Variants in RYR2 observed in about 807,000 individuals in gnomAD.
The protein encoded by RYR2 is cardiac muscle ryanodine receptor-calcium release channel.
Under a neutral mutation model 601.1 loss-of-function variants are expected in RYR2, and 227 were observed. The observed-to-expected ratio is 0.38, with a 90% CI of 0.34 to 0.42. The LOEUF is 0.42. Ranked by LOEUF, RYR2 falls within the 10% of genes least tolerant of loss-of-function variation. The pLI is 1.00. For synonymous variants in RYR2, 2,223 were observed against 2,175.1 expected, an observed-to-expected ratio of 1.02 and a Z score of -0.61; for missense variants, 4,646 against 6,156.5, an observed-to-expected ratio of 0.75 and a Z score of 8.21.
At chr1:237,340,232 C>A (rs1697645376) in intron 3 of RYR2, among the ~76,000 whole-genome samples, 1 of 152,124 alleles carries the variant, frequency 6.6e-6, no homozygotes, top group Non-Finnish European at 1.5e-5. Flanking sequence ...GTCTCCATGA[C>A]CAAGAAATAG....
At chr1:237,430,233 G>C (rs1706665884) in intron 12 of RYR2, among the ~76,000 whole-genome samples, 1 of 150,446 alleles carries the variant, frequency 6.6e-6, no homozygotes, top group African/African-American at 2.4e-5. Flanking sequence ...TGTTGAATAT[G>C]TTATATACAT....
intron 1 of RYR2, among the ~76,000 whole-genome samples, chr1:237,099,468 G>A (rs1036874235): frequency 6.6e-6 from 1 of 152,016 alleles, no homozygotes; most frequent in African/African-American, 2.4e-5. Flanking sequence ...GAACTCCTGG[G>A]CCCAAGCGAT....
intron 1 of RYR2, among the ~76,000 whole-genome samples, chr1:237,155,393 G>T (rs1007389139): frequency 1.3e-5 from 2 of 151,852 alleles, no homozygotes; most frequent in Non-Finnish European, 2.9e-5. Flanking sequence ...AGCCAGGATG[G>T]TCTTGATCTC....
Position 237,806,175 on chromosome 1 carries a change from T to C in RYR2, c.14190T>C (p.Val4730=). Residue 4730 remains valine, a synonymous_variant, in exon 99 of 105, where the codon GTT becomes GTC. Transcript: ENST00000366574. The stretch of plus-strand genomic sequence containing the variant: ...TAGCCTGGTATATGACTATGTCTGT[T>C]CTTGGACACTATAACAACTTTTTTT... ...LYLAWYMTMS[V]LGHYNNFFFA... 1 of 1,613,754 alleles carries C rather than the reference T, an allele frequency of 6.2e-7. No homozygotes were observed. The highest frequency in any genetic ancestry group is 1.7e-5 in the Admixed American group (1 of 60,026).
intron 101 of RYR2, among the ~76,000 whole-genome samples, chr1:237,821,829 A>G (rs1264321125): frequency 6.6e-6 from 1 of 151,970 alleles, no homozygotes; most frequent in Admixed American, 6.6e-5. Context: ...AGGAGAACAT[A>G]AATGACCTGA....
Position 237,819,449 on chromosome 1 carries a change from T to G in RYR2, c.14590+257T>G, listed in dbSNP as rs1210439142. On this transcript the variant is annotated intron_variant, in intron 101 of 104. Coordinates refer to ENST00000366574, the MANE Select transcript of RYR2 (RefSeq NM_001035.3). This position sits in a 1 kb window ranked among gnomAD's most constrained non-coding sequence, Gnocchi z 4.0. ...AATGGAAAAGGCACTTTCCTTGGTTTGATTCTCACCTCTGGGTTTCAGACT... is the reference window on the plus strand; with the variant it reads ...AATGGAAAAGGCACTTTCCTTGGTTGGATTCTCACCTCTGGGTTTCAGACT... 1.3e-5 allele frequency among the ~76,000 whole-genome samples: 2 copies of G among 152,210 alleles called. No individual in the cohort carries two copies. The highest frequency in any genetic ancestry group is 3.9e-4 in the East Asian group (2 of 5,190).
intron 74 of RYR2, among the ~76,000 whole-genome samples, chr1:237,725,793 T>C (rs1054104841): frequency 1.8e-4 from 28 of 152,054 alleles, no homozygotes; most frequent in Non-Finnish European, 3.1e-4. Context: ...ACCCTTTTTG[T>C]TGGATTTTTA....
intron 98 of RYR2, among the ~76,000 whole-genome samples, chr1:237,803,663 T>C (rs1186752558): frequency 6.6e-6 from 1 of 152,164 alleles, no homozygotes; most frequent in African/African-American, 2.4e-5. Context: ...ATTTTCATCT[T>C]CCTTCTCCTC....
At chr1:237,546,760 C>T (rs1669850027) in intron 25 of RYR2, among the ~76,000 whole-genome samples, 1 of 151,656 alleles carries the variant, frequency 6.6e-6, no homozygotes, top group Non-Finnish European at 1.5e-5. Context: ...TGTATTCAAC[C>T]TTAAAAAAGT....
At chr1:237,571,503 C>CG (rs1672697279) in intron 29 of RYR2, among the ~76,000 whole-genome samples, 1 of 151,810 alleles carries the variant, frequency 6.6e-6, no homozygotes, top group Admixed American at 6.6e-5. Flanking sequence ...TTAGTAGAGA[C>CG]GGGGTTTTAT....
chr1:237,771,873 C>T (rs1558381370), intron 85 of RYR2, 139 bp from the exon 86 acceptor site: 2 of 595,714 alleles, frequency 3.4e-6, no homozygotes, highest in Admixed American at 3.1e-5. Flanking sequence ...AAATTATTTT[C>T]ATAGTAAAAC....
At chr1:237,160,780 A>G (rs1275271830) in intron 1 of RYR2, among the ~76,000 whole-genome samples, 1 of 152,154 alleles carries the variant, frequency 6.6e-6, no homozygotes, top group Non-Finnish European at 1.5e-5. Context: ...ACCCAAAAGA[A>G]CTAAGAAACT....
intron 1 of RYR2, among the ~76,000 whole-genome samples, chr1:237,265,692 C>T (rs558949190): frequency 2.6e-5 from 4 of 152,198 alleles, no homozygotes; most frequent in South Asian, 4.2e-4. Flanking sequence ...GCCAGCATGC[C>T]GTATAGTACA....
intron 10 of RYR2, among the ~76,000 whole-genome samples, chr1:237,405,541 A>C (rs1200466249): frequency 6.6e-6 from 1 of 152,240 alleles, no homozygotes; most frequent in African/African-American, 2.4e-5. Context: ...CACTTGAGAC[A>C]GCAATTCAAA....
chr1:237,175,887 G>A (rs886793597), intron 1 of RYR2, among the ~76,000 whole-genome samples: 3 of 152,188 alleles, frequency 2.0e-5, no homozygotes, highest in African/African-American at 7.2e-5. Context: ...CATAGCATCA[G>A]CTCTGAGAAT....
intron 24 of RYR2, among the ~76,000 whole-genome samples, chr1:237,529,728 G>C (rs10925447): frequency 0.071 from 9,840 of 138,668 alleles, 388 homozygotes; most frequent in Middle Eastern, 0.21. Context: ...CTGTATATAC[G>C]CATTTCTATA....
At chr1:237,308,697 T>TA in intron 2 of RYR2, among the ~76,000 whole-genome samples, 1 of 152,314 alleles carries the variant, frequency 6.6e-6, no homozygotes, top group African/African-American at 2.4e-5. Flanking sequence ...TTACAGCTCA[T>TA]AAAAGCAGTG....
intron 1 of RYR2, among the ~76,000 whole-genome samples, chr1:237,259,422 C>T (rs900379409): frequency 4.0e-5 from 6 of 151,800 alleles, no homozygotes; most frequent in Admixed American, 1.3e-4. Context: ...ACAGGAGAAT[C>T]GCTTGAACCT....
Position 237,755,983 on chromosome 1 carries a change from T to C in RYR2, c.11146-305T>C, listed in dbSNP as rs539410258. Among the ~76,000 whole-genome samples the C allele has an allele frequency of 1.1e-3, 163 of 152,206 alleles. 1 individual carries two copies. Among genetic ancestry groups the C allele is most frequent in the Non-Finnish European group, 1.1e-3 (73 of 68,028 alleles). ...TATAAATCAGAAAGTGCAAGTTTCA[T>C]TGATGAAGTACAGTACTTCAAAACT... is the stretch of plus-strand genomic sequence containing the variant. On this transcript the variant is annotated intron_variant, in intron 80 of 104. Coordinates refer to ENST00000366574, the MANE Select transcript of RYR2 (RefSeq NM_001035.3).
Sources: gnomAD v4.1 joint callset for allele counts (sites outside exome capture counted in the v4.1 genomes callset) on GRCh38, gnomAD v4.1.1 for gene constraint, Gnocchi (gnomAD v3.1) non-coding constraint, MANE v1.5 for transcripts, NCBI Gene and HGNC (gene_info 2026-07-23, HGNC 2026-07-21) for gene names.